The following SUMF1 variants were observed in gnomAD, a reference collection of about 807,000 sequenced individuals.
The protein encoded by SUMF1 is formylglycine-generating enzyme.
A neutral mutation model predicts 47.6 loss-of-function variants in SUMF1; 48 were observed. The observed-to-expected ratio is 1.01, with a 90% CI of 0.80 to 1.28. The LOEUF is 1.28. Ranked by LOEUF, SUMF1 falls within the 50% of genes most tolerant of loss-of-function variation. SUMF1 has a pLI of 0.00. For synonymous variants in SUMF1, 230 were observed against 192.1 expected (o/e 1.20, Z -1.63); for missense variants, 571 against 485.4 (o/e 1.18, Z -1.66).
At chr3:4,042,996 T>A (rs1694938604) in intron 9 of SUMF1, among the ~76,000 whole-genome samples, 1 of 151,976 alleles carries the variant, frequency 6.6e-6, no homozygotes, top group Non-Finnish European at 1.5e-5. Flanking sequence ...GGAGCTCCTG[T>A]CTCCTCTGAC....
chr3:4,158,936 C>G (rs552890069), intron 8 of SUMF1, among the ~76,000 whole-genome samples: 1 of 151,556 alleles, frequency 6.6e-6, no homozygotes, highest in East Asian at 1.9e-4. Context: ...ATCCACTCAG[C>G]TACTCTACAT....
At chr3:4,313,011 C>T in intron 8 of SUMF1, 1 of 1,613,954 alleles carries the variant, frequency 6.2e-7, no homozygotes, top group Non-Finnish European at 8.5e-7. Flanking sequence ...GCTCCTGTCT[C>T]CGCCATGGAG....
chr3:4,078,095 T>C (rs912937842), intron 8 of SUMF1, among the ~76,000 whole-genome samples: 4 of 152,080 alleles, frequency 2.6e-5, no homozygotes, highest in Admixed American at 1.3e-4. Context: ...CCTATGCTAA[T>C]AGCAGACACT....
chr3:4,328,516 C>T (rs1279744964), intron 8 of SUMF1, among the ~76,000 whole-genome samples: 1 of 152,104 alleles, frequency 6.6e-6, no homozygotes, highest in Non-Finnish European at 1.5e-5. Flanking sequence ...GGCAAGAGAA[C>T]TTGTGCAAAT....
intron 7 of SUMF1, among the ~76,000 whole-genome samples, chr3:4,382,805 C>A (rs1700549380): frequency 6.6e-6 from 1 of 152,024 alleles, no homozygotes; most frequent in South Asian, 2.1e-4. Context: ...TCATTCTCAA[C>A]AAACTAACAA....
At position 4,162,802 on chromosome 3, in the gene SUMF1, T is replaced by C. The variant is rs527909608; in HGVS notation, c.1015-94057A>G. 4.1e-4 allele frequency among the ~76,000 whole-genome samples: 63 copies of C among 152,214 alleles called. 1 individual carries two copies. Among genetic ancestry groups the C allele is most frequent in the African/African-American group, 1.3e-3 (55 of 41,510 alleles). On this transcript the variant is annotated intron_variant and NMD_transcript_variant, in intron 8 of 12. Transcript: ENST00000448413. ...GATCACTCACCTGATTTTTTGTTCT[T>C]ATGAAGGTGCTTTTTTGTGTGGATA...
chr3:4,211,490 T>C (rs1695792777), intron 8 of SUMF1, among the ~76,000 whole-genome samples: 3 of 151,672 alleles, frequency 2.0e-5, no homozygotes. Flanking sequence ...GAGGTAAACA[T>C]GAAAGAGAAA....
At position 4,211,378 on chromosome 3, in the gene SUMF1, G is replaced by C. The variant is rs185248981; in HGVS notation, c.1015-142633C>G. 4.6e-5 allele frequency among the ~76,000 whole-genome samples: 7 copies of C among 151,124 alleles called. No individual in the cohort carries two copies. The East Asian group carries it at 1.2e-3, about 25-fold the overall frequency. On this transcript the variant is annotated intron_variant and NMD_transcript_variant, in intron 8 of 12. Transcript: ENST00000448413. ...GTGTTGTTCCCCTCTCTGTGTCCATGTGTTCTCATCATTTAGCTCCAATTA... is the reference window on the plus strand; with the variant it reads ...GTGTTGTTCCCCTCTCTGTGTCCATCTGTTCTCATCATTTAGCTCCAATTA...
At chr3:4,187,222 T>C (rs771990981) in intron 8 of SUMF1, among the ~76,000 whole-genome samples, 7 of 151,606 alleles carry the variant, frequency 4.6e-5, no homozygotes, top group African/African-American at 9.7e-5. Flanking sequence ...ATAAAAACAT[T>C]AGCCAGCGCA....
At chr3:4,039,828 C>A (rs1419675223) in intron 9 of SUMF1, among the ~76,000 whole-genome samples, 1 of 151,982 alleles carries the variant, frequency 6.6e-6, no homozygotes, top group East Asian at 1.9e-4. Context: ...TGAGACCAGC[C>A]TGGGCAATAC....
chr3:4,214,399 T>C (rs1264564194), intron 8 of SUMF1, among the ~76,000 whole-genome samples: 1 of 152,132 alleles, frequency 6.6e-6, no homozygotes, highest in East Asian at 1.9e-4. Flanking sequence ...CTGGGACACA[T>C]TTAAAGCACT....
intron 8 of SUMF1, among the ~76,000 whole-genome samples, chr3:4,312,743 G>C (rs182548292): frequency 1.1e-3 from 171 of 149,890 alleles, no homozygotes; most frequent in South Asian, 2.1e-3. Context: ...GAAGAGAGAT[G>C]TTTTTGGACA....
chr3:4,153,421 G>A (rs961104041), intron 8 of SUMF1, among the ~76,000 whole-genome samples: 2 of 150,758 alleles, frequency 1.3e-5, no homozygotes, highest in African/African-American at 4.9e-5. Context: ...TTCCTATATT[G>A]CCCCAGCTGG....
chr3:4,423,155 G>C (rs1177466516), intron 3 of SUMF1, among the ~76,000 whole-genome samples: 6 of 152,174 alleles, frequency 3.9e-5, no homozygotes, highest in Non-Finnish European at 5.9e-5. Context: ...TATCTACCCA[G>C]AGGAAGTCAT....
At chr3:4,227,966 G>A (rs1380001474) in intron 8 of SUMF1, among the ~76,000 whole-genome samples, 1 of 152,104 alleles carries the variant, frequency 6.6e-6, no homozygotes, top group Non-Finnish European at 1.5e-5. Flanking sequence ...AAGACCTAAA[G>A]AATGAGTTGG....
chr3:4,249,434 T>A (rs1371947043), intron 8 of SUMF1, among the ~76,000 whole-genome samples: 1 of 152,206 alleles, frequency 6.6e-6, no homozygotes, highest in Non-Finnish European at 1.5e-5. Context: ...TCTCGCAATA[T>A]TTCAAATTTT....
intron 7 of SUMF1, among the ~76,000 whole-genome samples, chr3:4,390,080 T>G (rs1700806777): frequency 6.6e-6 from 1 of 152,208 alleles, no homozygotes; most frequent in Non-Finnish European, 1.5e-5. Flanking sequence ...CTGGATCTTA[T>G]TAACACCCTG....
intron 8 of SUMF1, among the ~76,000 whole-genome samples, chr3:4,365,972 A>T (rs180754598): frequency 0.012 from 1,796 of 151,984 alleles, 32 homozygotes; most frequent in African/African-American, 0.041. Context: ...TCCTTCACTT[A>T]TGAAGCTTAG....
chr3:4,064,405 G>A (rs988004750), intron 9 of SUMF1, among the ~76,000 whole-genome samples: 1 of 152,122 alleles, frequency 6.6e-6, no homozygotes, highest in Non-Finnish European at 1.5e-5. Flanking sequence ...AAAAGGGGAA[G>A]AAACCCTCAG....
Sources: allele counts gnomAD v4.1 joint callset (sites outside exome capture counted in the v4.1 genomes callset), GRCh38; gene constraint gnomAD v4.1.1; transcripts MANE v1.5; gene names NCBI Gene and HGNC (gene_info 2026-07-23, HGNC 2026-07-21).